Variants in PTPRD observed in about 807,000 individuals in gnomAD.
PTPRD encodes the protein receptor-type tyrosine-protein phosphatase delta.
PTPRD carries 34 observed loss-of-function variants against 214.5 expected under a neutral mutation model. The ratio of observed to expected loss-of-function variants is 0.16; its 90% CI spans 0.12 to 0.21. The LOEUF (loss-of-function observed/expected upper bound fraction) is 0.21. PTPRD is among the 10% of genes least tolerant of loss of function. PTPRD has a pLI of 1.00. For missense variants in PTPRD, 2,545 were observed against 2,398.7 expected, an observed-to-expected ratio of 1.06 and a Z score of -1.27; for synonymous variants, 1,128 against 845.7, an observed-to-expected ratio of 1.33 and a Z score of -5.79.
intron 14 of PTPRD, among the ~76,000 whole-genome samples, chr9:8,607,909 A>C (rs998049219): frequency 6.6e-6 from 1 of 152,242 alleles, no homozygotes; most frequent in Non-Finnish European, 1.5e-5. Context: ...TATAGGAAAC[A>C]AATATTATTC....
chr9:10,602,794 T>C (rs957104210), intron 2 of PTPRD, among the ~76,000 whole-genome samples: 2 of 151,832 alleles, frequency 1.3e-5, no homozygotes. Flanking sequence ...ATCCTTACAT[T>C]TTATCTTGCA....
intron 9 of PTPRD, among the ~76,000 whole-genome samples, chr9:9,261,366 C>A (rs2099980036): frequency 6.6e-6 from 1 of 151,768 alleles, no homozygotes; most frequent in South Asian, 2.1e-4. Flanking sequence ...ATTTTAATGT[C>A]CTTGAATATT....
chr9:9,201,888 C>A (rs1313756651), intron 9 of PTPRD, among the ~76,000 whole-genome samples: 1 of 152,104 alleles, frequency 6.6e-6, no homozygotes, highest in Non-Finnish European at 1.5e-5. Context: ...TGGAGCACAG[C>A]AAAAAGCCCA....
At chr9:9,487,039 C>T (rs1435803692) in intron 8 of PTPRD, among the ~76,000 whole-genome samples, 13 of 152,022 alleles carry the variant, frequency 8.6e-5, no homozygotes, top group Non-Finnish European at 4.4e-5. Flanking sequence ...ATAGAGCAAA[C>T]CAGTCATTAC....
At position 8,908,861 on chromosome 9, in the gene PTPRD, TA is replaced by T. The variant is rs1483053710; in HGVS notation, c.-104+109835del. 2.6e-5 allele frequency among the ~76,000 whole-genome samples: 4 copies of T among 151,356 alleles called. No homozygotes were observed. The East Asian group carries it at 7.7e-4, about 29-fold the overall frequency. ...AGAATAAAAGGGAGAAAGTAATTAC[TA>T]AAATCAACTACAGAAAGAAGACCTA... is the stretch of plus-strand genomic sequence containing the variant. On this transcript the variant is annotated intron_variant, in intron 11 of 45. Transcript: ENST00000381196.
At chr9:8,382,451 G>A (rs969500252) in intron 37 of PTPRD, among the ~76,000 whole-genome samples, 2 of 152,138 alleles carry the variant, frequency 1.3e-5, no homozygotes, top group Non-Finnish European at 2.9e-5. Flanking sequence ...TCTTTACTCA[G>A]GTCATCAGGA....
intron 4 of PTPRD, among the ~76,000 whole-genome samples, chr9:10,000,425 C>A (rs959139444): frequency 6.6e-6 from 1 of 152,072 alleles, no homozygotes; most frequent in African/African-American, 2.4e-5. Context: ...CCCACATGGA[C>A]AAGCCATTCT....
chr9:10,534,078 T>C (rs969277318), intron 2 of PTPRD, among the ~76,000 whole-genome samples: 6 of 151,950 alleles, frequency 3.9e-5, no homozygotes, highest in African/African-American at 1.4e-4. Context: ...TTTTAAATTT[T>C]TAAGAAGAGT....
Position 9,144,625 on chromosome 9 carries a change from C to T in PTPRD, c.-143+38679G>A, listed in dbSNP as rs369641635. ...AAAATTAGCTGGGTGTGGTGGCACG[C>T]GCCTGTAATCCCAGCTACTCCGGAG... On this transcript the variant is annotated intron_variant, in intron 10 of 45. Transcript: ENST00000381196. 3.7e-4 allele frequency among the ~76,000 whole-genome samples: 56 copies of T among 152,018 alleles called. 1 individual carries two copies. Among genetic ancestry groups the T allele is most frequent in the African/African-American group, 1.2e-3 (51 of 41,458 alleles).
intron 11 of PTPRD, among the ~76,000 whole-genome samples, chr9:8,765,382 C>G (rs1039725385): frequency 6.6e-6 from 1 of 152,172 alleles, no homozygotes; most frequent in African/African-American, 2.4e-5. Flanking sequence ...TGCAATCTCC[C>G]GCCATCTTCA....
chr9:9,327,871 A>T (rs1215714153), intron 9 of PTPRD, among the ~76,000 whole-genome samples: 1 of 151,732 alleles, frequency 6.6e-6, no homozygotes, highest in African/African-American at 2.4e-5. Context: ...GGCCACACAT[A>T]AAATACACTA....
Position 9,900,860 on chromosome 9 carries a change from C to T in PTPRD, c.-368+37647G>A, listed in dbSNP as rs552543381. 3.3e-5 allele frequency among the ~76,000 whole-genome samples: 5 copies of T among 152,162 alleles called. No homozygotes were observed. In the South Asian group the frequency reaches 6.2e-4, roughly 19 times the overall value. On this transcript the variant is annotated intron_variant, in intron 5 of 45. Coordinates refer to ENST00000381196, the MANE Select transcript of PTPRD (RefSeq NM_002839.4). ...CCATGTTGGCTAGGATGGTCTCTAT[C>T]TCTTGACCTCATGATCCGCCCACAT...
chr9:8,349,933 GTTT>G (rs71317358), intron 39 of PTPRD, among the ~76,000 whole-genome samples: 2 of 145,084 alleles, frequency 1.4e-5, no homozygotes. Flanking sequence ...AACTTTAGTG[GTTT>G]TTTTTTTTTT....
chr9:9,199,378 T>C (rs973290738), intron 9 of PTPRD, among the ~76,000 whole-genome samples: 1 of 152,218 alleles, frequency 6.6e-6, no homozygotes, highest in Admixed American at 6.5e-5. Flanking sequence ...AAATCTCTAA[T>C]GCAATTGCTG....
At chr9:9,713,171 T>C (rs1595834555) in intron 7 of PTPRD, among the ~76,000 whole-genome samples, 1 of 152,212 alleles carries the variant, frequency 6.6e-6, no homozygotes, top group Non-Finnish European at 1.5e-5. Flanking sequence ...TTGCAGCTTA[T>C]TTCTGCCAGA....
intron 3 of PTPRD, among the ~76,000 whole-genome samples, chr9:10,123,486 G>A (rs1440996947): frequency 1.3e-5 from 2 of 152,172 alleles, no homozygotes; most frequent in African/African-American, 4.8e-5. Context: ...TGTCTTGGAA[G>A]TTGACCCTAG....
chr9:10,217,706 T>C (rs1044676167), intron 3 of PTPRD, among the ~76,000 whole-genome samples: 1 of 151,960 alleles, frequency 6.6e-6, no homozygotes, highest in Non-Finnish European at 1.5e-5. Flanking sequence ...ATAGTAGTCA[T>C]GATGTAAGAA....
intron 39 of PTPRD, among the ~76,000 whole-genome samples, chr9:8,352,820 A>T (rs75926917): frequency 0.036 from 5,506 of 152,270 alleles, 363 homozygotes; most frequent in African/African-American, 0.12. Flanking sequence ...TTTTTAAAAA[A>T]TGCTATTATT....
intron 12 of PTPRD, among the ~76,000 whole-genome samples, chr9:8,641,617 G>T (rs1322346989): frequency 7.5e-6 from 1 of 133,320 alleles, no homozygotes; most frequent in Non-Finnish European, 1.5e-5. Context: ...ACAGAGACAT[G>T]GCCGATATTC....
Sources: allele counts gnomAD v4.1 joint callset (sites outside exome capture counted in the v4.1 genomes callset), GRCh38; gene constraint gnomAD v4.1.1; transcripts MANE v1.5; gene names NCBI Gene and HGNC (gene_info 2026-07-23, HGNC 2026-07-21).